EFCAB5: variants seen among roughly 807,000 people sequenced by gnomAD.
EFCAB5 encodes EF-hand calcium binding domain 5.
In EFCAB5, 131 loss-of-function variants were observed where a neutral mutation model predicts 167.9. The ratio of observed to expected loss-of-function variants is 0.78; its 90% CI spans 0.68 to 0.90. EFCAB5 has a LOEUF of 0.90. EFCAB5 is among the 40% of genes least tolerant of loss of function. The probability of loss-of-function intolerance (pLI) is 0.00; values close to 1 mark genes in which losing one functional copy is unlikely to be tolerated. For missense variants in EFCAB5, 1,663 were observed against 1,745.2 expected (o/e 0.95, Z 0.84); for synonymous variants, 574 against 602.8 (o/e 0.95, Z 0.70).
At chr17:29,993,352 A>T in intron 5 of EFCAB5, 31 bp downstream of exon 5, 1 of 1,593,618 alleles carries the variant, frequency 6.3e-7, no homozygotes, top group Non-Finnish European at 8.6e-7. Flanking sequence ...TGTGAAAGGT[A>T]GGTGGGGTAA....
At chr17:30,050,486 C>A (rs545831981) in intron 8 of EFCAB5, among the ~76,000 whole-genome samples, 2 of 152,244 alleles carry the variant, frequency 1.3e-5, no homozygotes, top group East Asian at 3.9e-4. Context: ...GCTCTGTCAG[C>A]CAGGCTGGAC....
Position 29,993,183 on chromosome 17 carries a change from G to A in EFCAB5, c.786G>A (p.Glu262=). 6.2e-7 allele frequency: 1 copy of A among 1,610,466 alleles called. No homozygotes were observed. The change falls in exon 5 of 23, where the codon GAG becomes GAA. Residue 262 remains glutamate, a synonymous_variant. Coordinates refer to ENST00000394835, the MANE Select transcript of EFCAB5 (RefSeq NM_198529.4). ...CCTGCAGAGTATCCAAGATGAAGGA[G>A]AATGTTAAACAGAATAGAAAACAAA... ...TICNRVSKMK[E]NVKQNRKQRE...
chr17:29,952,828 A>G (rs2067539128), intron 3 of EFCAB5, among the ~76,000 whole-genome samples: 1 of 152,162 alleles, frequency 6.6e-6, no homozygotes, highest in Non-Finnish European at 1.5e-5. Flanking sequence ...AGCTAAGAGT[A>G]GATACATGCT....
At chr17:30,012,446 A>G (rs1207141791) in intron 7 of EFCAB5, among the ~76,000 whole-genome samples, 1 of 152,260 alleles carries the variant, frequency 6.6e-6, no homozygotes, top group East Asian at 1.9e-4. Context: ...GTCTCTAATA[A>G]TGGTGTAAGT....
intron 7 of EFCAB5, among the ~76,000 whole-genome samples, chr17:30,002,992 G>C (rs1037411702): frequency 4.0e-5 from 6 of 150,592 alleles, no homozygotes; most frequent in Admixed American, 2.7e-4. Context: ...TTTGTATTTA[G>C]TGTTCTGAAC....
chr17:30,096,677 A>ATATATATTTTTTT (rs1193558323), intron 22 of EFCAB5, among the ~76,000 whole-genome samples: 5 of 60,124 alleles, frequency 8.3e-5, no homozygotes, highest in African/African-American at 4.2e-4. Flanking sequence ...ATATATATAT[A>ATATATATTTTTTT]TTTTTTTTTT....
chr17:30,030,809 A>C (rs1348579665), intron 7 of EFCAB5, among the ~76,000 whole-genome samples: 1 of 151,188 alleles, frequency 6.6e-6, no homozygotes, highest in African/African-American at 2.4e-5. Context: ...GTGCACCACC[A>C]CTCTTGGCTA....
intron 18 of EFCAB5, among the ~76,000 whole-genome samples, 168 bp from the exon 19 acceptor site, chr17:30,086,893 GAA>G (rs113554450): frequency 6.8e-6 from 1 of 147,624 alleles, no homozygotes; most frequent in Non-Finnish European, 1.5e-5. Context: ...ACTCCATCTC[GAA>G]AAAAAAAAAT....
At chr17:29,963,013 C>T (rs537462945) in intron 3 of EFCAB5, among the ~76,000 whole-genome samples, 1 of 152,236 alleles carries the variant, frequency 6.6e-6, no homozygotes, top group Admixed American at 6.5e-5. Flanking sequence ...ATGATTATGG[C>T]TCACTGAAGC....
At chr17:29,987,908 A>G (rs941646307) in intron 4 of EFCAB5, among the ~76,000 whole-genome samples, 17 of 152,174 alleles carry the variant, frequency 1.1e-4, no homozygotes, top group Non-Finnish European at 2.4e-4. Context: ...CCACACATAC[A>G]TGTACATAAG....
intron 10 of EFCAB5, among the ~76,000 whole-genome samples, chr17:30,054,386 A>G (rs964479436): frequency 1.3e-5 from 2 of 152,222 alleles, no homozygotes; most frequent in African/African-American, 4.8e-5. Context: ...TATAATTTCC[A>G]TTGCACTAGA....
chr17:30,069,040 A>G, intron 14 of EFCAB5: 1 of 1,400,932 alleles, frequency 7.1e-7, no homozygotes, highest in Non-Finnish European at 1.0e-6. Context: ...TCTGGATTTC[A>G]TTGAAGATTA....
intron 14 of EFCAB5, among the ~76,000 whole-genome samples, chr17:30,067,605 T>A (rs192053233): frequency 2.6e-5 from 4 of 152,140 alleles, no homozygotes; most frequent in African/African-American, 9.7e-5. Context: ...TCTCAATAGA[T>A]GCAGGAAAAG....
At position 30,083,027 on chromosome 17, in the gene EFCAB5, A is replaced by T; in HGVS notation, c.3563A>T (p.Glu1188Val). The T allele has an allele frequency of 6.2e-7, 1 of 1,613,906 alleles. No individual in the cohort carries two copies. Among genetic ancestry groups the T allele is most frequent in the Non-Finnish European group, 8.5e-7 (1 of 1,179,828 alleles). Reference sequence around the variant, plus strand: ...ACCTCCATCACTACGTACTTTGTAGAGCCTAGCCCAGCCCAGGTAGGCAAG... The same window carrying T: ...ACCTCCATCACTACGTACTTTGTAGTGCCTAGCCCAGCCCAGGTAGGCAAG... ...SITSITTYFV[E>V]PSPAQDSDYV... The change falls in exon 18 of 23, where the codon GAG (glutamate) becomes GTG (valine). Residue 1188 changes from glutamate to valine, a missense_variant. Coordinates refer to ENST00000394835, the MANE Select transcript of EFCAB5 (RefSeq NM_198529.4).
intron 7 of EFCAB5, among the ~76,000 whole-genome samples, chr17:30,003,857 T>C (rs1336597606): frequency 6.6e-6 from 1 of 152,236 alleles, no homozygotes; most frequent in Admixed American, 6.5e-5. Flanking sequence ...ATACAATATG[T>C]GATCTTCTGT....
intron 19 of EFCAB5, among the ~76,000 whole-genome samples, chr17:30,087,630 T>C (rs1347115706): frequency 1.3e-5 from 2 of 152,202 alleles, no homozygotes; most frequent in African/African-American, 4.8e-5. Flanking sequence ...CTCATTCCTC[T>C]TTATGGCTGC....
At chr17:29,998,518 C>A (rs2068593856) in intron 6 of EFCAB5, among the ~76,000 whole-genome samples, 1 of 152,170 alleles carries the variant, frequency 6.6e-6, no homozygotes, top group Non-Finnish European at 1.5e-5. Context: ...TGCTCAAACT[C>A]CAGTCAGAGA....
chr17:30,045,838 AAAATAAAT>A (rs146756432), intron 8 of EFCAB5, among the ~76,000 whole-genome samples: 1 of 151,746 alleles, frequency 6.6e-6, no homozygotes, highest in Admixed American at 6.6e-5. Context: ...GGTCTCTACA[AAAATAAAT>A]AAATAAATAA....
At chr17:30,028,723 C>T (rs2069398004) in intron 7 of EFCAB5, among the ~76,000 whole-genome samples, 2 of 152,156 alleles carry the variant, frequency 1.3e-5, no homozygotes, top group African/African-American at 4.8e-5. Flanking sequence ...TTTAATTCCT[C>T]ACAACTGTGG....
Sources: allele counts gnomAD v4.1 joint callset (sites outside exome capture counted in the v4.1 genomes callset), GRCh38; gene constraint gnomAD v4.1.1; transcripts MANE v1.5; gene names NCBI Gene and HGNC (gene_info 2026-07-23, HGNC 2026-07-21).